The following RAB2A variants were observed in gnomAD, a reference collection of about 807,000 sequenced individuals.
The protein encoded by RAB2A is RAB2A, member RAS oncogene family.
A neutral mutation model predicts 32.5 loss-of-function variants in RAB2A; 7 were observed. The observed-to-expected ratio is 0.22, with a 90% CI of 0.12 to 0.40. The LOEUF is 0.40. Among genes scored for constraint, RAB2A ranks in the 10% least tolerant of loss-of-function variants. The pLI is 1.00. For synonymous variants in RAB2A, 79 were observed against 85.2 expected (o/e 0.93, Z 0.40); for missense variants, 108 against 260.7 (o/e 0.41, Z 4.03).
intron 1 of RAB2A, among the ~76,000 whole-genome samples, chr8:60,520,650 G>C (rs748629670): frequency 2.0e-5 from 3 of 152,148 alleles, no homozygotes; most frequent in Admixed American, 1.3e-4. Flanking sequence ...ATTCTTTTGA[G>C]AGTTTAACAA....
intron 2 of RAB2A, chr8:60,559,201 G>A: frequency 3.3e-6 from 1 of 302,356 alleles, no homozygotes; most frequent in South Asian, 4.1e-5. Context: ...CAGTATCCAA[G>A]CATGGTAAGA....
At chr8:60,551,856 A>ATTTTTTTT (rs34092556) in intron 1 of RAB2A, 2 of 90,522 alleles carry the variant, frequency 2.2e-5, no homozygotes, top group Admixed American at 1.2e-4. Flanking sequence ...CCATGCCTTG[A>ATTTTTTTT]TTTTTTTTTT....
intron 2 of RAB2A, among the ~76,000 whole-genome samples, chr8:60,571,431 CAGAATAATGTCTGTGATGTATTATTAAAT>C (rs1276523668): frequency 1.3e-5 from 2 of 152,108 alleles, no homozygotes; most frequent in Non-Finnish European, 2.9e-5. Flanking sequence ...GTTTGTGATA[CAGAATAATGTCTGTGATGTATTATTAAAT>C]AAAAAGCAAA....
intron 1 of RAB2A, among the ~76,000 whole-genome samples, chr8:60,546,940 G>A (rs868033997): frequency 8.3e-5 from 11 of 131,978 alleles, no homozygotes; most frequent in South Asian, 4.8e-4. Flanking sequence ...GGTGTTTCTC[G>A]CAGAGGGGGA....
chr8:60,540,978 T>A (rs2130816942), intron 1 of RAB2A, among the ~76,000 whole-genome samples: 1 of 152,266 alleles, frequency 6.6e-6, no homozygotes, highest in Non-Finnish European at 1.5e-5. Flanking sequence ...TTCCCAAGAA[T>A]ACAGTATGGA....
At chr8:60,589,936 T>C (rs185073623) in intron 5 of RAB2A, among the ~76,000 whole-genome samples, 8 of 152,238 alleles carry the variant, frequency 5.3e-5, no homozygotes. Flanking sequence ...ATATAGGTGA[T>C]AGACTCTGAT....
In RAB2A at chr8:60,620,710, A is replaced by C; in HGVS notation, c.580A>C (p.Thr194Pro). Residue 194 changes from threonine (T) to proline (P), a missense_variant, in exon 8 of 8, where the codon ACC becomes CCC. Physicochemically the swap from Thr to Pro is conservative, Grantham distance 38 (BLOSUM62 -1). Transcript: ENST00000262646. ...TAAAATTGGCCCTCAGCATGCTGCT[A>C]CCAATGCAACACATGCAGGCAATCA... ...GIKIGPQHAA[T>P]NATHAGNQGG... is the part of the protein sequence containing the mutation. 1 of 1,613,874 alleles carries C rather than the reference A, an allele frequency of 6.2e-7. No individual in the cohort carries two copies. The highest frequency in any genetic ancestry group is 8.5e-7 in the Non-Finnish European group (1 of 1,179,962).
intron 6 of RAB2A, among the ~76,000 whole-genome samples, chr8:60,616,511 T>G (rs1804451127): frequency 6.6e-6 from 1 of 152,260 alleles, no homozygotes; most frequent in South Asian, 2.1e-4. Flanking sequence ...TGACATGTTA[T>G]TGGAAATAAA....
At chr8:60,558,955 A>T in intron 2 of RAB2A, 32 bp downstream of exon 2, 1 of 1,512,410 alleles carries the variant, frequency 6.6e-7, no homozygotes, top group Non-Finnish European at 9.2e-7. Flanking sequence ...AGAAGCACTA[A>T]AAGTTTTGGA....
At chr8:60,575,656 T>TC (rs1368019594) in intron 3 of RAB2A, among the ~76,000 whole-genome samples, 1 of 46,026 alleles carries the variant, frequency 2.2e-5, no homozygotes, top group Non-Finnish European at 3.7e-5. Context: ...TATTTGTCTT[T>TC]TTTTTTTTTT....
At position 60,523,456 on chromosome 8, in the gene RAB2A, C is replaced by A. The variant is rs190757158; in HGVS notation, c.46+6203C>A. Reference sequence around the variant, plus strand: ...ACAGGCATGAGCCACCACGCCCGGCCAAGGACTCCACATTCTTACATATGT... The same window carrying A: ...ACAGGCATGAGCCACCACGCCCGGCAAAGGACTCCACATTCTTACATATGT... On this transcript the variant is annotated intron_variant, in intron 1 of 7. Coordinates refer to ENST00000262646, the MANE Select transcript of RAB2A (RefSeq NM_002865.3). 1.7e-3 allele frequency among the ~76,000 whole-genome samples: 262 copies of A among 151,808 alleles called. 1 individual carries two copies. Among genetic ancestry groups the A allele is most frequent in the African/African-American group, 5.9e-3 (245 of 41,404 alleles).
chr8:60,607,068 C>G (rs572459736), intron 6 of RAB2A, among the ~76,000 whole-genome samples: 1 of 149,614 alleles, frequency 6.7e-6, no homozygotes, highest in Non-Finnish European at 1.5e-5. Flanking sequence ...CTTTTTTAAG[C>G]TAAACTAAGA....
intron 1 of RAB2A, among the ~76,000 whole-genome samples, chr8:60,537,450 T>C (rs1807575243): frequency 6.6e-6 from 1 of 152,142 alleles, no homozygotes; most frequent in Non-Finnish European, 1.5e-5. Context: ...CTCAAACTTG[T>C]AACCTCAGGT....
chr8:60,587,088 A>G (rs1803864113), intron 5 of RAB2A, among the ~76,000 whole-genome samples: 1 of 152,206 alleles, frequency 6.6e-6, no homozygotes, highest in Admixed American at 6.5e-5. Flanking sequence ...GAGGCACAAT[A>G]TTGGAGAGAA....
chr8:60,614,726 T>C (rs1277570432), intron 6 of RAB2A, among the ~76,000 whole-genome samples: 3 of 152,212 alleles, frequency 2.0e-5, no homozygotes, highest in Non-Finnish European at 2.9e-5. Context: ...TTAGGTATTA[T>C]CAGTATCATT....
At chr8:60,547,375 C>T (rs1027508070) in intron 1 of RAB2A, among the ~76,000 whole-genome samples, 2 of 152,232 alleles carry the variant, frequency 1.3e-5, no homozygotes, top group Non-Finnish European at 2.9e-5. Flanking sequence ...ACAAAACCGC[C>T]ATTGTCATCA....
chr8:60,530,682 G>A (rs979770913), intron 1 of RAB2A, among the ~76,000 whole-genome samples: 5 of 152,070 alleles, frequency 3.3e-5, no homozygotes. Context: ...ATTTTAACAG[G>A]AGAATTTAAT....
intron 3 of RAB2A, chr8:60,583,924 A>G: frequency 3.8e-6 from 1 of 262,922 alleles, no homozygotes; most frequent in Admixed American, 4.4e-5. Flanking sequence ...GAAGCCATTC[A>G]GTAAATTGGG....
chr8:60,519,318 G>A (rs1219443092), intron 1 of RAB2A, among the ~76,000 whole-genome samples: 1 of 151,768 alleles, frequency 6.6e-6, no homozygotes, highest in African/African-American at 2.4e-5. Context: ...TACATTTCTC[G>A]CCTTCTTTCC....
Sources: gnomAD v4.1 joint callset for allele counts (sites outside exome capture counted in the v4.1 genomes callset) on GRCh38, gnomAD v4.1.1 for gene constraint, MANE v1.5 for transcripts, NCBI Gene and HGNC (gene_info 2026-07-23, HGNC 2026-07-21) for gene names.